PLCB4: variants seen among roughly 807,000 people sequenced by gnomAD.
PLCB4 encodes the protein 1-phosphatidylinositol 4,5-bisphosphate phosphodiesterase beta-4.
In PLCB4, 77 loss-of-function variants were observed where a neutral mutation model predicts 178.8. The ratio of observed to expected loss-of-function variants is 0.43; its 90% CI spans 0.36 to 0.52. The LOEUF (loss-of-function observed/expected upper bound fraction) is 0.52, where lower values mean the gene tolerates loss of function less well. PLCB4 is among the 20% of genes least tolerant of loss of function. The pLI, the probability that PLCB4 is intolerant of heterozygous loss-of-function variation, is 0.00. For missense variants in PLCB4, 1,024 were observed against 1,453.4 expected (o/e 0.70, Z 4.80); for synonymous variants, 496 against 490.8 (o/e 1.01, Z -0.14).
At chr20:9,447,418 C>T (rs751143068) in intron 32 of PLCB4, among the ~76,000 whole-genome samples, 1 of 152,146 alleles carries the variant, frequency 6.6e-6, no homozygotes, top group Non-Finnish European at 1.5e-5. Flanking sequence ...TATGTGGTCT[C>T]CTGTCTTCCA....
At chr20:9,190,475 A>C (rs2093387696) in intron 2 of PLCB4, among the ~76,000 whole-genome samples, 1 of 152,110 alleles carries the variant, frequency 6.6e-6, no homozygotes, top group African/African-American at 2.4e-5. Flanking sequence ...CTCCCCAATC[A>C]TATGGACCTG....
intron 2 of PLCB4, among the ~76,000 whole-genome samples, chr20:9,116,383 T>G (rs960321420): frequency 6.6e-6 from 1 of 152,186 alleles, no homozygotes; most frequent in Non-Finnish European, 1.5e-5. Flanking sequence ...ACATTGTGCA[T>G]GTACATAGAT....
At chr20:9,387,724 C>G (rs765161773) in intron 15 of PLCB4, among the ~76,000 whole-genome samples, 168 bp downstream of exon 15, 2 of 152,334 alleles carry the variant, frequency 1.3e-5, no homozygotes, top group South Asian at 4.1e-4. Context: ...TTCCACTGAA[C>G]GTCCCCTTCA....
At chr20:9,313,860 C>G (rs1315491775) in intron 4 of PLCB4, among the ~76,000 whole-genome samples, 2 of 152,196 alleles carry the variant, frequency 1.3e-5, no homozygotes, top group African/African-American at 4.8e-5. Flanking sequence ...TCTCACCCCT[C>G]CACTTTCTTC....
chr20:9,079,110 T>G (rs2090021439), intron 1 of PLCB4, among the ~76,000 whole-genome samples: 1 of 152,214 alleles, frequency 6.6e-6, no homozygotes, highest in Admixed American at 6.5e-5. Flanking sequence ...GTGCTAGGTT[T>G]TGCTCATGGA....
At chr20:9,100,690 T>G (rs982618325) in intron 2 of PLCB4, among the ~76,000 whole-genome samples, 1 of 152,206 alleles carries the variant, frequency 6.6e-6, no homozygotes, top group Non-Finnish European at 1.5e-5. Flanking sequence ...TAATCAAAAC[T>G]GTTGCCTGTG....
chr20:9,393,447 G>A, intron 17 of PLCB4, 141 bp from the exon 18 acceptor site: 2 of 597,324 alleles, frequency 3.3e-6, no homozygotes, highest in Non-Finnish European at 6.0e-6. Flanking sequence ...GTTGGGGAGT[G>A]AAAACAGAAG....
intron 19 of PLCB4, among the ~76,000 whole-genome samples, chr20:9,396,897 T>G (rs1353912467): frequency 6.6e-6 from 1 of 152,220 alleles, no homozygotes; most frequent in Admixed American, 6.5e-5. Context: ...TGAAATCTTT[T>G]TGTGGAGGGT....
At chr20:9,364,518 C>G (rs914542907) in intron 8 of PLCB4, among the ~76,000 whole-genome samples, 3 of 152,212 alleles carry the variant, frequency 2.0e-5, no homozygotes, top group Non-Finnish European at 4.4e-5. Context: ...TGAGCTGCAA[C>G]AGGGTACAGA....
chr20:9,170,921 G>A (rs536878809), intron 2 of PLCB4, among the ~76,000 whole-genome samples: 1 of 152,280 alleles, frequency 6.6e-6, no homozygotes, highest in South Asian at 2.1e-4. Context: ...ATAGCGGTAG[G>A]GATATGGTCA....
At chr20:9,442,801 T>C (rs2042188615) in intron 30 of PLCB4, among the ~76,000 whole-genome samples, 1 of 152,148 alleles carries the variant, frequency 6.6e-6, no homozygotes, top group Non-Finnish European at 1.5e-5. Context: ...TCATAAAATG[T>C]TACAGATCAC....
At chr20:9,204,638 C>G (rs1469492424) in intron 2 of PLCB4, among the ~76,000 whole-genome samples, 1 of 152,094 alleles carries the variant, frequency 6.6e-6, no homozygotes, top group African/African-American at 2.4e-5. Context: ...GCTGGGATTA[C>G]AGGCATGAGC....
intron 3 of PLCB4, among the ~76,000 whole-genome samples, chr20:9,242,747 A>G (rs558992449): frequency 6.6e-6 from 1 of 152,244 alleles, no homozygotes; most frequent in East Asian, 1.9e-4. Flanking sequence ...TGGACCCTGG[A>G]TGAGCAGTAT....
chr20:9,231,892 A>G (rs2093937334), intron 3 of PLCB4, among the ~76,000 whole-genome samples: 1 of 152,186 alleles, frequency 6.6e-6, no homozygotes, highest in Non-Finnish European at 1.5e-5. Context: ...AAAAACTGGA[A>G]ACAACCAATT....
At chr20:9,371,531 A>G (rs1169846477) in intron 10 of PLCB4, among the ~76,000 whole-genome samples, 1 of 151,916 alleles carries the variant, frequency 6.6e-6, no homozygotes, top group Non-Finnish European at 1.5e-5. Flanking sequence ...TTTTAACCTA[A>G]ATCTCTAAAA....
intron 4 of PLCB4, among the ~76,000 whole-genome samples, chr20:9,326,701 A>G (rs1297571986): frequency 6.6e-6 from 1 of 152,092 alleles, no homozygotes; most frequent in Non-Finnish European, 1.5e-5. Flanking sequence ...CGTCTGTGGC[A>G]GCAGCTTCTT....
intron 3 of PLCB4, among the ~76,000 whole-genome samples, chr20:9,227,159 G>C (rs1257164150): frequency 6.7e-6 from 1 of 149,426 alleles, no homozygotes; most frequent in Non-Finnish European, 1.5e-5. Context: ...TTTTGATGTT[G>C]TTGAATTCAT....
intron 19 of PLCB4, among the ~76,000 whole-genome samples, chr20:9,397,291 C>T (rs554233414): frequency 6.6e-6 from 1 of 152,160 alleles, no homozygotes. Flanking sequence ...GCAATTCAGC[C>T]CCATGTTCAG....
At chr20:9,214,866 T>C (rs1407364264) in intron 2 of PLCB4, among the ~76,000 whole-genome samples, 2 of 152,228 alleles carry the variant, frequency 1.3e-5, no homozygotes, top group East Asian at 1.9e-4. Context: ...CAATATCTTA[T>C]ATATGCCCAG....
Sources: allele counts gnomAD v4.1 joint callset (sites outside exome capture counted in the v4.1 genomes callset), GRCh38; gene constraint gnomAD v4.1.1; transcripts MANE v1.5; gene names NCBI Gene and HGNC (gene_info 2026-07-23, HGNC 2026-07-21).